The following DCAF10 variants were observed in gnomAD, a reference collection of about 807,000 sequenced individuals.
DCAF10 encodes the protein DDB1 and CUL4 associated factor 10.
A neutral mutation model predicts 51.9 loss-of-function variants in DCAF10; 19 were observed. That is an observed-to-expected ratio of 0.37 (90% CI 0.26 to 0.54). The LOEUF is 0.54. DCAF10 is among the 20% of genes least tolerant of loss of function. The pLI, the probability that DCAF10 is intolerant of heterozygous loss-of-function variation, is 0.87. For synonymous variants in DCAF10, 291 were observed against 297.1 expected (o/e 0.98, Z 0.21); for missense variants, 510 against 730.6 (o/e 0.70, Z 3.48).
At chr9:37,812,783 G>A (rs1428296036) in intron 1 of DCAF10, among the ~76,000 whole-genome samples, 1 of 152,040 alleles carries the variant, frequency 6.6e-6, no homozygotes. Context: ...ACAGGCACAC[G>A]CCAGCATGGC....
At position 37,865,930 on chromosome 9, in the gene DCAF10, A is replaced by G. The variant is rs1272796730; in HGVS notation, c.*4422A>G. Reference sequence around the variant, plus strand: ...AATTGTGTTATCTAGAAAGTGCAATATAGGGAAAACACTCTAAGAATCTTT... The same window carrying G: ...AATTGTGTTATCTAGAAAGTGCAATGTAGGGAAAACACTCTAAGAATCTTT... On this transcript the variant is annotated 3_prime_UTR_variant, in exon 7 of 7. Coordinates refer to ENST00000377724, the MANE Select transcript of DCAF10 (RefSeq NM_024345.5). 1 of 152,654 alleles carries G rather than the reference A, an allele frequency of 6.6e-6. No homozygotes were observed. Among genetic ancestry groups the G allele is most frequent in the African/African-American group, 2.4e-5 (1 of 41,458 alleles). The allele number at this position is 152,654 out of a possible 1,614,324, so 9.5% of individuals were successfully genotyped here.
At chr9:37,834,979 T>A (rs1830113276) in intron 2 of DCAF10, among the ~76,000 whole-genome samples, 1 of 151,954 alleles carries the variant, frequency 6.6e-6, no homozygotes, top group African/African-American at 2.4e-5. Context: ...AGAGACGAGG[T>A]CTCATCATGT....
At chr9:37,842,351 A>G (rs1435325421) in intron 3 of DCAF10, 65 bp downstream of exon 3, 2 of 1,469,168 alleles carry the variant, frequency 1.4e-6, no homozygotes, top group Admixed American at 2.0e-5. Context: ...ATGGTGAACA[A>G]ATTCAGTGTT....
chr9:37,814,102 A>G (rs1476271826), intron 1 of DCAF10, among the ~76,000 whole-genome samples: 19 of 100,798 alleles, frequency 1.9e-4, no homozygotes, highest in African/African-American at 6.9e-4. Context: ...ATATATATAT[A>G]TATATATATA....
intron 4 of DCAF10, among the ~76,000 whole-genome samples, chr9:37,855,915 C>T (rs1489165365): frequency 6.6e-6 from 1 of 152,154 alleles, no homozygotes; most frequent in Non-Finnish European, 1.5e-5. Flanking sequence ...CTTTGAGAGA[C>T]TGAGGTGAGC....
intron 2 of DCAF10, among the ~76,000 whole-genome samples, chr9:37,831,837 T>C (rs895447884): frequency 6.6e-6 from 1 of 152,240 alleles, no homozygotes; most frequent in South Asian, 2.1e-4. Context: ...TAATCCCAGC[T>C]ACTCGGGAGG....
rs555983041 is a variant in DCAF10 at position 37,837,457 on chromosome 9, C to CAA, written c.654-4615_654-4614dup. ...CTGGCAACAGAGCGAGACTCCATCTCAAAAAAAAAAAAAAAAAAGAAAAGA... is the reference window on the plus strand; with the variant it reads ...CTGGCAACAGAGCGAGACTCCATCTCAAAAAAAAAAAAAAAAAAAAGAAAAGA... On this transcript the variant is annotated intron_variant, in intron 2 of 6. Coordinates refer to ENST00000377724, the MANE Select transcript of DCAF10 (RefSeq NM_024345.5). Among the ~76,000 whole-genome samples, 164 of 85,634 alleles carry CAA rather than the reference C, an allele frequency of 1.9e-3. 1 individual carries two copies. The highest frequency in any genetic ancestry group is 5.6e-3 in the African/African-American group (154 of 27,304). 56.2% of individuals were successfully genotyped at this position (85,634 alleles called of 152,430 possible). A position where few individuals can be genotyped will look rare whatever the true frequency, so the allele number is the denominator to read the frequency against.
intron 3 of DCAF10, among the ~76,000 whole-genome samples, chr9:37,853,991 T>C (rs1830770706): frequency 6.6e-6 from 1 of 152,190 alleles, no homozygotes; most frequent in African/African-American, 2.4e-5. Flanking sequence ...ATCATTACAA[T>C]ATTATTAGTC....
At chr9:37,823,605 G>T (rs890697946) in intron 2 of DCAF10, among the ~76,000 whole-genome samples, 2 of 150,912 alleles carry the variant, frequency 1.3e-5, no homozygotes, top group Non-Finnish European at 2.9e-5. Context: ...TTGGCGGGGG[G>T]TACATGTAAA....
chr9:37,867,235 T>C lies in DCAF10; in HGVS notation c.*5727T>C, dbSNP rs560731920. ...CATTCACCTCCTATATGTATGTGTA[T>C]ATATAAATGCCACTATAAATGAAAA... On this transcript the variant is annotated 3_prime_UTR_variant, in exon 7 of 7. Coordinates refer to ENST00000377724, the MANE Select transcript of DCAF10 (RefSeq NM_024345.5). The C allele has an allele frequency of 5.3e-5, 8 of 152,282 alleles. No homozygotes were observed. The South Asian group carries it at 1.4e-3, about 28-fold the overall frequency. The allele number at this position is 152,282 out of a possible 1,614,324, so 9.4% of individuals were successfully genotyped here.
At chr9:37,848,423 G>A (rs190826738) in intron 3 of DCAF10, among the ~76,000 whole-genome samples, 1 of 152,264 alleles carries the variant, frequency 6.6e-6, no homozygotes, top group African/African-American at 2.4e-5. Flanking sequence ...GCTATGACAT[G>A]GATGAACCTC....
intron 3 of DCAF10, among the ~76,000 whole-genome samples, chr9:37,852,933 TATATATATATATATATA>T (rs535153014): frequency 0.18 from 6,484 of 36,780 alleles, 536 homozygotes; most frequent in African/African-American, 0.37. Context: ...TGTGAGGTTA[TATATATATATATATATA>T]TATATATATA....
chr9:37,816,828 T>C (rs1829554242), intron 1 of DCAF10, among the ~76,000 whole-genome samples: 1 of 152,202 alleles, frequency 6.6e-6, no homozygotes, highest in Admixed American at 6.5e-5. Flanking sequence ...TATTGTATCA[T>C]ATAAATTCTA....
intron 1 of DCAF10, among the ~76,000 whole-genome samples, chr9:37,805,064 G>C (rs533269242): frequency 6.6e-6 from 1 of 152,276 alleles, no homozygotes; most frequent in African/African-American, 2.4e-5. Flanking sequence ...TCAAACGGAA[G>C]GTCTGAGAAG....
intron 1 of DCAF10, among the ~76,000 whole-genome samples, chr9:37,806,224 T>C (rs186864380): frequency 2.0e-5 from 3 of 152,358 alleles, no homozygotes; most frequent in Admixed American, 2.0e-4. Context: ...TATTGATATG[T>C]CCATAGTGGT....
intron 5 of DCAF10, among the ~76,000 whole-genome samples, chr9:37,858,795 A>G (rs765395735): frequency 2.0e-5 from 3 of 152,216 alleles, no homozygotes; most frequent in African/African-American, 4.8e-5. Flanking sequence ...TTAGAACTCT[A>G]TTTTTGACAT....
Position 37,837,259 on chromosome 9 carries a change from G to A in DCAF10, c.654-4830G>A, listed in dbSNP as rs532769781. On this transcript the variant is annotated intron_variant, in intron 2 of 6. Coordinates refer to ENST00000377724, the MANE Select transcript of DCAF10 (RefSeq NM_024345.5). ...GCGGATCACGAGGTCAGGAGATGGA[G>A]ACCATCCTGGCTAACACGGTGAAAC... 1.1e-4 allele frequency among the ~76,000 whole-genome samples: 16 copies of A among 152,154 alleles called. 1 individual carries two copies. In the South Asian group the frequency reaches 3.3e-3, roughly 32 times the overall value.
intron 1 of DCAF10, among the ~76,000 whole-genome samples, chr9:37,812,052 C>T (rs545017305): frequency 5.3e-5 from 8 of 152,078 alleles, no homozygotes; most frequent in African/African-American, 9.6e-5. Flanking sequence ...TGGTGGCATG[C>T]GCCTGTGGTC....
intron 3 of DCAF10, among the ~76,000 whole-genome samples, chr9:37,844,219 A>G (rs1466779183): frequency 6.6e-6 from 1 of 152,248 alleles, no homozygotes; most frequent in African/African-American, 2.4e-5. Flanking sequence ...TTACTTATCT[A>G]GATAAGATAG....
Sources: allele counts gnomAD v4.1 joint callset (sites outside exome capture counted in the v4.1 genomes callset), GRCh38; gene constraint gnomAD v4.1.1; transcripts MANE v1.5; gene names NCBI Gene and HGNC (gene_info 2026-07-23, HGNC 2026-07-21).